Variants in TANC2 observed in about 807,000 individuals in gnomAD.
TANC2 encodes the protein tetratricopeptide repeat, ankyrin repeat and coiled-coil containing 2, also known as protein TANC2.
TANC2 carries 26 observed loss-of-function variants against 210.5 expected under a neutral mutation model. That is an observed-to-expected ratio of 0.12 (90% CI 0.09 to 0.17). TANC2 has a LOEUF of 0.17. Ranked by LOEUF, TANC2 falls within the 10% of genes least tolerant of loss-of-function variation. The probability of loss-of-function intolerance (pLI) is 1.00; values close to 1 mark genes in which losing one functional copy is unlikely to be tolerated. For synonymous variants in TANC2, 931 were observed against 967.1 expected (o/e 0.96, Z 0.69); for missense variants, 2,129 against 2,608.9 (o/e 0.82, Z 4.01).
intron 11 of TANC2, among the ~76,000 whole-genome samples, chr17:63,324,267 G>GT (rs897674207): frequency 2.0e-5 from 3 of 151,870 alleles, no homozygotes; most frequent in Non-Finnish European, 2.9e-5. Flanking sequence ...AAAAGCAAAG[G>GT]TTTTTTTTCC....
chr17:63,287,229 G>T (rs1298621896), intron 9 of TANC2, among the ~76,000 whole-genome samples: 1 of 152,042 alleles, frequency 6.6e-6, no homozygotes. Context: ...CACTGCACCC[G>T]CCCTCATTTC....
At chr17:63,201,732 G>C (rs951540150) in intron 7 of TANC2, among the ~76,000 whole-genome samples, 32 of 151,056 alleles carry the variant, frequency 2.1e-4, no homozygotes, top group Non-Finnish European at 4.4e-5. Context: ...AAACCACTCT[G>C]ATAAAGGCAA....
chr17:63,244,054 G>A (rs539030094), intron 8 of TANC2, among the ~76,000 whole-genome samples: 83 of 152,318 alleles, frequency 5.4e-4, no homozygotes, highest in Admixed American at 1.2e-3. Context: ...AATTGCCTTT[G>A]TTTGATGAGA....
At chr17:63,361,892 G>T (rs963916373) in intron 14 of TANC2, among the ~76,000 whole-genome samples, 1 of 152,220 alleles carries the variant, frequency 6.6e-6, no homozygotes, top group African/African-American at 2.4e-5. Context: ...GGTCATCCCT[G>T]CAAGTGTCCA....
In TANC2 at chr17:63,351,421, G is replaced by GTC; in HGVS notation, c.1974+6_1974+7insCT. On this transcript the variant is annotated splice_donor_region_variant and intron_variant, in intron 13 of 27. Transcript: ENST00000689528. ...ACAGTTAGGACCAGTTTACAGGTATGTGTTTGTTTGCTTTTAAACCATAAA... is the reference window on the plus strand; with the variant it reads ...ACAGTTAGGACCAGTTTACAGGTATGTCTGTTTGTTTGCTTTTAAACCATAAA... 1 of 1,575,324 alleles carries GTC rather than the reference G, an allele frequency of 6.3e-7. No individual in the cohort carries two copies. Among genetic ancestry groups the GTC allele is most frequent in the Non-Finnish European group, 8.6e-7 (1 of 1,166,050 alleles).
chr17:63,244,293 A>G (rs572587715), intron 8 of TANC2, among the ~76,000 whole-genome samples: 1 of 152,066 alleles, frequency 6.6e-6, no homozygotes, highest in African/African-American at 2.4e-5. Context: ...GACTATTTCC[A>G]CCTCTTGGTA....
intron 2 of TANC2, among the ~76,000 whole-genome samples, chr17:63,031,467 C>T (rs2034767242): frequency 6.6e-6 from 1 of 152,100 alleles, no homozygotes; most frequent in South Asian, 2.1e-4. Context: ...ATGATCTTAG[C>T]TCTGGTATTA....
At chr17:63,197,899 G>C (rs1026728867) in intron 6 of TANC2, 5 of 152,156 alleles carry the variant, frequency 3.3e-5, no homozygotes, top group African/African-American at 1.2e-4. Flanking sequence ...GTAAATATGA[G>C]GCCTGCCTTT....
chr17:63,173,592 T>G (rs2040483129), intron 5 of TANC2, among the ~76,000 whole-genome samples: 1 of 152,206 alleles, frequency 6.6e-6, no homozygotes, highest in Non-Finnish European at 1.5e-5. Context: ...CTGAAGCCTT[T>G]CCTTTTTTCT....
intron 8 of TANC2, among the ~76,000 whole-genome samples, chr17:63,244,568 G>T (rs1377388870): frequency 2.0e-5 from 3 of 152,210 alleles, no homozygotes; most frequent in African/African-American, 7.2e-5. Flanking sequence ...GTTGGCTCTT[G>T]TTTGTGCTGT....
At chr17:63,085,968 A>T (rs1189726314) in intron 3 of TANC2, among the ~76,000 whole-genome samples, 3 of 151,926 alleles carry the variant, frequency 2.0e-5, no homozygotes, top group Non-Finnish European at 4.4e-5. Flanking sequence ...TTGTTTGGGA[A>T]AGTCTTTATT....
chr17:63,305,738 GGAAGATACTAT>G (rs1316027173), intron 9 of TANC2: 3 of 152,208 alleles, frequency 2.0e-5, no homozygotes, highest in African/African-American at 7.2e-5. Flanking sequence ...GATTGATTAA[GGAAGATACTAT>G]GAAGAAGATG....
At chr17:63,366,538 G>T (rs972982642) in intron 14 of TANC2, among the ~76,000 whole-genome samples, 20 of 152,170 alleles carry the variant, frequency 1.3e-4, no homozygotes, top group African/African-American at 4.1e-4. Flanking sequence ...GCTACCTAAA[G>T]ACTTCTTGTT....
intron 1 of TANC2, among the ~76,000 whole-genome samples, chr17:63,008,285 T>G (rs534853386): frequency 7.1e-4 from 108 of 152,298 alleles, no homozygotes; most frequent in Non-Finnish European, 1.1e-3. Context: ...TTCCCAATTT[T>G]CACGCTCTTA....
chr17:63,273,500 T>C (rs546370882), intron 9 of TANC2, among the ~76,000 whole-genome samples: 6 of 152,316 alleles, frequency 3.9e-5, no homozygotes, highest in African/African-American at 1.2e-4. Context: ...AAAATTCCAC[T>C]GTACACTTGT....
chr17:63,308,565 A>G (rs892073287), intron 9 of TANC2, among the ~76,000 whole-genome samples: 1 of 152,180 alleles, frequency 6.6e-6, no homozygotes, highest in African/African-American at 2.4e-5. Flanking sequence ...TTATATATTT[A>G]TATATTTTTT....
chr17:63,124,657 G>T (rs1351114678), intron 4 of TANC2, among the ~76,000 whole-genome samples: 5 of 152,134 alleles, frequency 3.3e-5, no homozygotes, highest in Non-Finnish European at 7.4e-5. Flanking sequence ...ATGTAGCAGG[G>T]ATCCCCAACG....
intron 2 of TANC2, among the ~76,000 whole-genome samples, chr17:63,059,746 T>C (rs916374407): frequency 6.6e-6 from 1 of 152,190 alleles, no homozygotes; most frequent in Non-Finnish European, 1.5e-5. Context: ...GAGACCCTCT[T>C]CACTAACCTT....
chr17:63,186,040 T>C (rs888742587), intron 5 of TANC2, among the ~76,000 whole-genome samples: 1 of 152,214 alleles, frequency 6.6e-6, no homozygotes, highest in African/African-American at 2.4e-5. Flanking sequence ...AGAAGACTTA[T>C]TGCTTCACTT....
Sources: gnomAD v4.1 joint callset for allele counts (sites outside exome capture counted in the v4.1 genomes callset) on GRCh38, gnomAD v4.1.1 for gene constraint, MANE v1.5 for transcripts, NCBI Gene and HGNC (gene_info 2026-07-23, HGNC 2026-07-21) for gene names.